GPC5: variants seen among roughly 807,000 people sequenced by gnomAD.
The protein encoded by GPC5 is glypican-5.
GPC5 carries 47 observed loss-of-function variants against 53.9 expected under a neutral mutation model. The ratio of observed to expected loss-of-function variants is 0.87; its 90% CI spans 0.69 to 1.11. The LOEUF (loss-of-function observed/expected upper bound fraction) is 1.11. Ranked by LOEUF, GPC5 falls within the 50% of genes most tolerant of loss-of-function variation. GPC5 has a pLI of 0.00. For synonymous variants in GPC5, 286 were observed against 263.3 expected (o/e 1.09, Z -0.84); for missense variants, 748 against 713.1 (o/e 1.05, Z -0.56).
rs1384292665 is a variant in GPC5 at position 91,621,639 on chromosome 13, C to T, written c.326-71548C>T. Among the ~76,000 whole-genome samples, 3 of 151,628 alleles carry T rather than the reference C, an allele frequency of 2.0e-5. No homozygotes were observed. The East Asian group carries it at 5.8e-4, about 29-fold the overall frequency. On this transcript the variant is annotated intron_variant, in intron 2 of 7. Coordinates refer to ENST00000377067, the MANE Select transcript of GPC5 (RefSeq NM_004466.6). ...AAAAAGAGAGTAAAATATAATTAAC[C>T]TGTGACCATTTCAATATTTAGTATT...
At chr13:91,545,388 A>G (rs1292358368) in intron 2 of GPC5, among the ~76,000 whole-genome samples, 1 of 152,138 alleles carries the variant, frequency 6.6e-6, no homozygotes, top group Non-Finnish European at 1.5e-5. Context: ...CATTTAACTA[A>G]TACATATTTA....
chr13:91,613,911 A>G (rs1282810544), intron 2 of GPC5, among the ~76,000 whole-genome samples: 7 of 152,314 alleles, frequency 4.6e-5, no homozygotes, highest in East Asian at 3.9e-4. Context: ...AAAAGTCAGG[A>G]GGAGAAGTAG....
At chr13:91,844,598 C>G (rs1056786818) in intron 5 of GPC5, among the ~76,000 whole-genome samples, 3 of 152,204 alleles carry the variant, frequency 2.0e-5, no homozygotes, top group African/African-American at 7.2e-5. Context: ...AGGCAGTTCT[C>G]TGCATTCAAG....
intron 7 of GPC5, among the ~76,000 whole-genome samples, chr13:92,371,767 T>A (rs1165970784): frequency 6.6e-6 from 1 of 152,168 alleles, no homozygotes; most frequent in Non-Finnish European, 1.5e-5. Context: ...TTCAATTACT[T>A]ACACTTGGTC....
chr13:91,438,693 G>C (rs1001674978), intron 1 of GPC5, among the ~76,000 whole-genome samples: 3 of 152,178 alleles, frequency 2.0e-5, no homozygotes, highest in African/African-American at 7.2e-5. Context: ...AAAGCTGTCA[G>C]ACAGGGACAT....
chr13:92,227,321 C>T (rs1030048457), intron 7 of GPC5, among the ~76,000 whole-genome samples: 13 of 152,106 alleles, frequency 8.5e-5, no homozygotes, highest in African/African-American at 2.9e-4. Flanking sequence ...AAACAGCCAC[C>T]CAATGTGGCC....
chr13:91,596,376 T>C (rs1201217481), intron 2 of GPC5, among the ~76,000 whole-genome samples: 1 of 152,232 alleles, frequency 6.6e-6, no homozygotes. Context: ...CTAGATCACA[T>C]GCTATGTGGT....
At chr13:91,743,879 T>G (rs901340291) in intron 4 of GPC5, among the ~76,000 whole-genome samples, 1 of 152,170 alleles carries the variant, frequency 6.6e-6, no homozygotes, top group Non-Finnish European at 1.5e-5. Flanking sequence ...TTGTTTTTGT[T>G]TAGGCTCATA....
intron 7 of GPC5, among the ~76,000 whole-genome samples, chr13:92,502,153 T>C (rs1037832041): frequency 1.3e-5 from 2 of 152,172 alleles, no homozygotes; most frequent in South Asian, 4.1e-4. Context: ...TGAGAAAAGT[T>C]AAGTATTTGG....
intron 2 of GPC5, among the ~76,000 whole-genome samples, chr13:91,547,108 A>C (rs1230057945): frequency 6.6e-6 from 1 of 152,092 alleles, no homozygotes. Flanking sequence ...TAAACACTGG[A>C]GGAGGAGTAA....
intron 7 of GPC5, among the ~76,000 whole-genome samples, chr13:92,678,769 G>A (rs1304357972): frequency 1.3e-5 from 2 of 152,170 alleles, no homozygotes; most frequent in African/African-American, 4.8e-5. Context: ...GCTGAGATAA[G>A]AATTGACTAT....
intron 7 of GPC5, among the ~76,000 whole-genome samples, chr13:92,382,583 G>A (rs1477258351): frequency 2.0e-5 from 3 of 151,794 alleles, no homozygotes; most frequent in Non-Finnish European, 4.4e-5. Context: ...GTTCACACCA[G>A]ACTCCCTATA....
At chr13:91,893,484 T>C (rs1049741093) in intron 5 of GPC5, among the ~76,000 whole-genome samples, 2 of 152,084 alleles carry the variant, frequency 1.3e-5, no homozygotes, top group Non-Finnish European at 2.9e-5. Flanking sequence ...GATTTTATCA[T>C]GTAGACACAA....
At chr13:92,436,230 T>C (rs891339759) in intron 7 of GPC5, among the ~76,000 whole-genome samples, 1 of 152,198 alleles carries the variant, frequency 6.6e-6, no homozygotes, top group Non-Finnish European at 1.5e-5. Context: ...TAAGTGTGGC[T>C]AAAACTCCTG....
chr13:92,549,921 A>AC (rs1491496875), intron 7 of GPC5, among the ~76,000 whole-genome samples: 6 of 138,812 alleles, frequency 4.3e-5, no homozygotes, highest in East Asian at 2.0e-4. Flanking sequence ...ACACACACAC[A>AC]ATTCTTTTTT....
At chr13:91,459,244 ATGATTGC>A (rs1881771094) in intron 2 of GPC5, among the ~76,000 whole-genome samples, 1 of 152,070 alleles carries the variant, frequency 6.6e-6, no homozygotes, top group Admixed American at 6.6e-5. Context: ...GGAGTGAGCC[ATGATTGC>A]ACCACTATAC....
intron 2 of GPC5, among the ~76,000 whole-genome samples, chr13:91,654,897 G>A (rs1191003600): frequency 6.6e-6 from 1 of 152,098 alleles, no homozygotes; most frequent in Non-Finnish European, 1.5e-5. Flanking sequence ...TATTATCAAA[G>A]CATTGCTTAT....
chr13:92,172,099 A>C (rs1021400482), intron 7 of GPC5, among the ~76,000 whole-genome samples: 2 of 152,230 alleles, frequency 1.3e-5, no homozygotes, highest in African/African-American at 4.8e-5. Context: ...AAGAAGCATA[A>C]TAGTATTTAA....
At chr13:92,854,714 G>C (rs1878937832) in intron 7 of GPC5, among the ~76,000 whole-genome samples, 1 of 151,970 alleles carries the variant, frequency 6.6e-6, no homozygotes, top group African/African-American at 2.4e-5. Flanking sequence ...AAGAGGATGA[G>C]AAATCTAAAA....
Sources: allele counts gnomAD v4.1 joint callset (sites outside exome capture counted in the v4.1 genomes callset), GRCh38; gene constraint gnomAD v4.1.1; transcripts MANE v1.5; gene names NCBI Gene and HGNC (gene_info 2026-07-23, HGNC 2026-07-21).